The following ADAM12 variants were observed in gnomAD, a reference collection of about 807,000 sequenced individuals.
ADAM12 encodes ADAM metallopeptidase domain 12, also known as disintegrin and metalloproteinase domain-containing protein 12.
ADAM12 carries 70 observed loss-of-function variants against 106.4 expected under a neutral mutation model. The observed-to-expected ratio is 0.66, with a 90% confidence interval of 0.54 to 0.80. The LOEUF (loss-of-function observed/expected upper bound fraction) is 0.80, where lower values mean the gene tolerates loss of function less well. Ranked by LOEUF, ADAM12 falls within the 30% of genes least tolerant of loss-of-function variation. ADAM12 has a pLI of 0.00. For missense variants in ADAM12, 1,010 were observed against 1,171.9 expected (o/e 0.86, Z 2.02); for synonymous variants, 420 against 433.5 (o/e 0.97, Z 0.39).
intron 3 of ADAM12, among the ~76,000 whole-genome samples, chr10:126,160,513 C>T (rs1956913561): frequency 6.6e-6 from 1 of 152,162 alleles, no homozygotes. Flanking sequence ...GCAATATGAC[C>T]TGATATCGGA....
intron 3 of ADAM12, among the ~76,000 whole-genome samples, chr10:126,207,961 G>T (rs1165074188): frequency 1.3e-5 from 2 of 152,132 alleles, no homozygotes; most frequent in African/African-American, 2.4e-5. Flanking sequence ...ATATTTCAAT[G>T]ATTTCTGTAA....
intron 3 of ADAM12, among the ~76,000 whole-genome samples, chr10:126,160,678 T>C (rs1482249457): frequency 6.6e-6 from 1 of 152,204 alleles, no homozygotes; most frequent in Non-Finnish European, 1.5e-5. Context: ...TTGGAGATCA[T>C]GCTGCTGTCC....
chr10:126,177,327 G>T (rs116863159), intron 3 of ADAM12, among the ~76,000 whole-genome samples: 161 of 151,284 alleles, frequency 1.1e-3, no homozygotes, highest in Non-Finnish European at 1.8e-3. Flanking sequence ...GATAATTACA[G>T]AATAATGATG....
chr10:126,320,734 T>C (rs1238260981), intron 2 of ADAM12, among the ~76,000 whole-genome samples: 1 of 152,188 alleles, frequency 6.6e-6, no homozygotes, highest in East Asian at 1.9e-4. Flanking sequence ...CCTAATCCTT[T>C]CTGGAAGTTA....
At chr10:126,230,262 C>T (rs1369611132) in intron 3 of ADAM12, among the ~76,000 whole-genome samples, 11 of 152,152 alleles carry the variant, frequency 7.2e-5, no homozygotes, top group Admixed American at 6.5e-4. Context: ...TGTTTCTACC[C>T]GCCCCTCACA....
chr10:126,098,469 T>C lies in ADAM12; in HGVS notation c.943A>G (p.Met315Val). ...GVYFQGTTIG[M>V]APIMSMCTAD... ...GTGCACATGCTCATGATTGGGGCCA[T>C]GCCGATGGTGGTCCCTTGGAAATAA... Residue 315 changes from methionine (M) to valine (V), a missense_variant, in exon 10 of 23, where the codon ATG becomes GTG. By Grantham distance (21) the Met-to-Val change is conservative (BLOSUM62 1). This residue lies in a region of ADAM12 where 391 missense variants were observed against 442.9 expected (regional missense o/e 0.88). Transcript: ENST00000448723. 6.2e-7 allele frequency: 1 copy of C among 1,614,130 alleles called. No homozygotes were observed. Among genetic ancestry groups the C allele is most frequent in the Non-Finnish European group, 8.5e-7 (1 of 1,179,998 alleles).
chr10:126,069,871 G>A (rs1445239066), intron 12 of ADAM12, among the ~76,000 whole-genome samples: 5 of 152,156 alleles, frequency 3.3e-5, no homozygotes, highest in Non-Finnish European at 7.3e-5. Context: ...TGTGGAGATG[G>A]TGATGTTAGC....
chr10:126,073,088 G>C (rs1011707613), intron 11 of ADAM12, among the ~76,000 whole-genome samples: 1 of 152,086 alleles, frequency 6.6e-6, no homozygotes. Flanking sequence ...TTAATGACCA[G>C]GTATTTATTT....
At chr10:126,268,117 A>T (rs1330059776) in intron 3 of ADAM12, among the ~76,000 whole-genome samples, 1 of 151,850 alleles carries the variant, frequency 6.6e-6, no homozygotes, top group Non-Finnish European at 1.5e-5. Flanking sequence ...CAAACGCCTC[A>T]CTCCCTAACC....
intron 3 of ADAM12, among the ~76,000 whole-genome samples, chr10:126,265,943 T>A (rs1310657922): frequency 1.3e-5 from 2 of 152,196 alleles, no homozygotes; most frequent in Admixed American, 1.3e-4. Flanking sequence ...GGACATTTGA[T>A]AGTACTATAA....
At chr10:126,373,029 C>A (rs1856164720) in intron 1 of ADAM12, among the ~76,000 whole-genome samples, 3 of 152,132 alleles carry the variant, frequency 2.0e-5, no homozygotes, top group Admixed American at 1.3e-4. Context: ...ATTTTAGTGG[C>A]AAATCAGGCG....
Position 126,103,392 on chromosome 10 carries a change from C to A in ADAM12, c.742-2151G>T, listed in dbSNP as rs1267587910. ...TTTGATTCTTCCTAATAACCACCAC[C>A]ACAGCTAATGTTTAGTGAGCATTAC... On this transcript the variant is annotated intron_variant, in intron 8 of 22. Transcript: ENST00000448723. 3.3e-5 allele frequency among the ~76,000 whole-genome samples: 5 copies of A among 152,330 alleles called. No individual in the cohort carries two copies. In the East Asian group the frequency reaches 9.6e-4, roughly 29 times the overall value.
intron 3 of ADAM12, among the ~76,000 whole-genome samples, chr10:126,156,101 T>TTG (rs1345295537): frequency 2.6e-5 from 4 of 152,134 alleles, no homozygotes; most frequent in African/African-American, 9.7e-5. Flanking sequence ...ATTTCCTGTG[T>TTG]AACTACCGCT....
intron 11 of ADAM12, among the ~76,000 whole-genome samples, chr10:126,087,092 C>T (rs76316560): frequency 6.6e-6 from 1 of 151,960 alleles, no homozygotes; most frequent in Non-Finnish European, 1.5e-5. Context: ...GAATGCAGTC[C>T]TTCAGGGTCA....
At chr10:126,342,792 C>A (rs1401603578) in intron 1 of ADAM12, among the ~76,000 whole-genome samples, 1 of 152,124 alleles carries the variant, frequency 6.6e-6, no homozygotes, top group African/African-American at 2.4e-5. Context: ...ATTTTCATTT[C>A]TCTGCAAGAT....
chr10:126,093,001 G>A (rs570979607), intron 11 of ADAM12, among the ~76,000 whole-genome samples: 1 of 152,270 alleles, frequency 6.6e-6, no homozygotes, highest in Admixed American at 6.5e-5. Context: ...CTCACACCAC[G>A]CTTGTCCCCT....
intron 4 of ADAM12, among the ~76,000 whole-genome samples, chr10:126,140,993 T>C (rs757232728): frequency 5.9e-5 from 9 of 152,194 alleles, no homozygotes; most frequent in Non-Finnish European, 1.2e-4. Context: ...AATCTCCAGG[T>C]GAGCCTGTGC....
Position 126,043,237 on chromosome 10 carries a change from C to T in ADAM12, c.1996-89G>A. 2 of 1,219,026 alleles carry T rather than the reference C, an allele frequency of 1.6e-6. No individual in the cohort carries two copies. Among genetic ancestry groups the T allele is most frequent in the East Asian group, 2.5e-5 (1 of 40,066 alleles). The allele number at this position is 1,219,026 out of a possible 1,614,324, so 75.5% of individuals were successfully genotyped here. On this transcript the variant is annotated intron_variant, in intron 17 of 22. Coordinates refer to ENST00000448723, the MANE Select transcript of ADAM12 (RefSeq NM_001288973.2). The surrounding 1 kb of genome is among the most constrained non-coding windows in gnomAD (Gnocchi z 4.1). ...AGCAAGGGGGGCCATGGTCAGAGCC[C>T]CCCCCCAACACTGACACAGCCAGAC...
intron 3 of ADAM12, among the ~76,000 whole-genome samples, chr10:126,168,663 C>G (rs1402516702): frequency 9.9e-5 from 15 of 152,102 alleles, no homozygotes; most frequent in Non-Finnish European, 7.3e-5. Context: ...TTTCATACAC[C>G]AGCCAGTGTG....
Sources: gnomAD v4.1 joint callset for allele counts (sites outside exome capture counted in the v4.1 genomes callset) on GRCh38, gnomAD v4.1.1 for gene constraint, gnomAD v4.1.1 regional missense constraint, Gnocchi (gnomAD v3.1) non-coding constraint, MANE v1.5 for transcripts, NCBI Gene and HGNC (gene_info 2026-07-23, HGNC 2026-07-21) for gene names.